Variants in EFHC1 observed in about 807,000 individuals in gnomAD.
The protein encoded by EFHC1 is EF-hand domain-containing protein 1.
In EFHC1, 53 loss-of-function variants were observed where a neutral mutation model predicts 69.9. The ratio of observed to expected loss-of-function variants is 0.76; its 90% CI spans 0.61 to 0.95. EFHC1 has a LOEUF of 0.95. EFHC1 is among the 40% of genes least tolerant of loss of function. The pLI is 0.00. For missense variants in EFHC1, 739 were observed against 798.7 expected (o/e 0.93, Z 0.90); for synonymous variants, 256 against 278.4 (o/e 0.92, Z 0.80).
At chr6:52,420,527 A>C in intron 1 of EFHC1, 54 bp downstream of exon 1, 1 of 1,609,604 alleles carries the variant, frequency 6.2e-7, no homozygotes, top group South Asian at 1.1e-5. Flanking sequence ...GCAGCCCAGG[A>C]GGTTTCCCCG....
intron 6 of EFHC1, among the ~76,000 whole-genome samples, chr6:52,467,327 C>T (rs1475998108): frequency 3.3e-5 from 5 of 151,718 alleles, no homozygotes; most frequent in Admixed American, 6.6e-5. Flanking sequence ...GACTACAGGT[C>T]GTGCCACCAC....
chr6:52,454,187 G>A lies in EFHC1; in HGVS notation c.816G>A (p.Thr272=), dbSNP rs765401978. The change falls in exon 5 of 11, where the codon ACG becomes ACA. Residue 272 remains threonine, a synonymous_variant. Transcript: ENST00000371068. ...TTCATTACTATCTTATGGATGATACGGTGGAAATTCGAGAGGTCCACGAAC... is the reference window on the plus strand; with the variant it reads ...TTCATTACTATCTTATGGATGATACAGTGGAAATTCGAGAGGTCCACGAAC... ...YIIHYYLMDD[T]VEIREVHERN... is the part of the protein sequence containing the mutation. 9.3e-6 allele frequency: 15 copies of A among 1,613,970 alleles called. No individual in the cohort carries two copies. The highest frequency in any genetic ancestry group is 1.6e-4 in the Middle Eastern group (1 of 6,082).
chr6:52,495,630 C>A lies in EFHC1; in HGVS notation c.*3289C>A, dbSNP rs1385597340. On this transcript the variant is annotated 3_prime_UTR_variant, in exon 11 of 11. Transcript: ENST00000371068. ...TTAGAGACAGGGTCTTACTCTGTTG[C>A]CAGACTGGAATGCGGTGGTGTGACC... The A allele has an allele frequency of 2.2e-6, 1 of 452,614 alleles. No homozygotes were observed. Among genetic ancestry groups the A allele is most frequent in the Non-Finnish European group, 4.4e-6 (1 of 225,670 alleles). The allele number at this position is 452,614 out of a possible 1,614,324, so 28.0% of individuals were successfully genotyped here. A position where few individuals can be genotyped will look rare whatever the true frequency, so the allele number is the denominator to read the frequency against.
In EFHC1 at chr6:52,494,728, A is replaced by G. The variant is rs146014466; in HGVS notation, c.*2387A>G. 3.2e-3 allele frequency: 1,441 copies of G among 453,900 alleles called. 18 individuals carry two copies. The highest frequency in any genetic ancestry group is 0.025 in the African/African-American group (1,276 of 50,060). The allele number at this position is 453,900 out of a possible 1,614,324, so 28.1% of individuals were successfully genotyped here. ...CCCACTCTGGTAGTCCCCAGTGTCT[A>G]TTGTTCCCATCATTATGTCTATGTG... is the stretch of plus-strand genomic sequence containing the variant. On this transcript the variant is annotated 3_prime_UTR_variant, in exon 11 of 11. Transcript: ENST00000371068.
intron 5 of EFHC1, among the ~76,000 whole-genome samples, chr6:52,460,386 A>T (rs1390935961): frequency 6.6e-6 from 1 of 152,222 alleles, no homozygotes; most frequent in Non-Finnish European, 1.5e-5. Flanking sequence ...GAGTTAGATT[A>T]TAAAAGGTCA....
Position 52,454,730 on chromosome 6 carries a change from G to A in EFHC1, c.916+443G>A, listed in dbSNP as rs942356929. ...GTGGTTTAACTTGAGATTGGAAAAG[G>A]CATGTCTGTGACTCATAGAGGTGAG... On this transcript the variant is annotated intron_variant, in intron 5 of 10. Coordinates refer to ENST00000371068, the MANE Select transcript of EFHC1 (RefSeq NM_018100.4). Among the ~76,000 whole-genome samples the A allele has an allele frequency of 3.3e-5, 5 of 152,102 alleles. 1 individual carries two copies. The highest frequency in any genetic ancestry group is 2.0e-4 in the Admixed American group (3 of 15,262).
intron 2 of EFHC1, among the ~76,000 whole-genome samples, chr6:52,433,046 T>C (rs1264229750): frequency 6.6e-6 from 1 of 152,108 alleles, no homozygotes; most frequent in Non-Finnish European, 1.5e-5. Context: ...TTTATTGTTT[T>C]TTATTTATGC....
rs1184847298 is a variant in EFHC1, at chr6:52,493,019, G to A, written c.*678G>A. 2 of 453,904 alleles carry A rather than the reference G, an allele frequency of 4.4e-6. No individual in the cohort carries two copies. Among genetic ancestry groups the A allele is most frequent in the Non-Finnish European group, 8.8e-6 (2 of 226,774 alleles). The allele number at this position is 453,904 out of a possible 1,614,324, so 28.1% of individuals were successfully genotyped here. ...AAAACAGATAGTCCTCCCTAATGTGGGTGGGCCTCCTCCAATCATTTGAAG... is the reference window on the plus strand; with the variant it reads ...AAAACAGATAGTCCTCCCTAATGTGAGTGGGCCTCCTCCAATCATTTGAAG... On this transcript the variant is annotated 3_prime_UTR_variant, in exon 11 of 11. Coordinates refer to ENST00000371068, the MANE Select transcript of EFHC1 (RefSeq NM_018100.4).
chr6:52,441,263 T>G (rs1489618965), intron 3 of EFHC1, among the ~76,000 whole-genome samples: 2 of 152,184 alleles, frequency 1.3e-5, no homozygotes, highest in African/African-American at 2.4e-5. Context: ...TGTTTATAGT[T>G]TTGGGTTTTA....
In EFHC1 at chr6:52,469,493, A is replaced by G. The variant is rs1380032026; in HGVS notation, c.1278+20A>G. On this transcript the variant is annotated intron_variant, in intron 7 of 10. Coordinates refer to ENST00000371068, the MANE Select transcript of EFHC1 (RefSeq NM_018100.4). ...GTACTGGTGAGGCTAATTTTTATAT[A>G]CTAAAGATTCTCTTCTATCTCAGTA... 4 of 1,612,944 alleles carry G rather than the reference A, an allele frequency of 2.5e-6. No homozygotes were observed. The highest frequency in any genetic ancestry group is 3.4e-6 in the Non-Finnish European group (4 of 1,179,570).
intron 3 of EFHC1, among the ~76,000 whole-genome samples, chr6:52,441,554 C>T (rs1764665169): frequency 6.6e-6 from 1 of 152,004 alleles, no homozygotes; most frequent in African/African-American, 2.4e-5. Context: ...CAGCTTTGTT[C>T]TTTTGCTTAG....
intron 2 of EFHC1, chr6:52,430,523 T>C (rs1317675848): frequency 6.6e-6 from 1 of 152,212 alleles, no homozygotes; most frequent in Non-Finnish European, 1.5e-5. Flanking sequence ...TTGACTTGCG[T>C]ATGTTAAATC....
intron 1 of EFHC1, among the ~76,000 whole-genome samples, chr6:52,422,092 T>C (rs923790714): frequency 6.6e-6 from 1 of 152,066 alleles, no homozygotes; most frequent in African/African-American, 2.4e-5. Context: ...TCTAAAGACA[T>C]GCAGATAAGA....
At position 52,490,132 on chromosome 6, in the gene EFHC1, C is replaced by A. The variant is rs1222704866; in HGVS notation, c.1641-8C>A. On this transcript the variant is annotated splice_region_variant and splice_polypyrimidine_tract_variant and intron_variant, in intron 9 of 10. Coordinates refer to ENST00000371068, the MANE Select transcript of EFHC1 (RefSeq NM_018100.4). ...CCATGTGCAGTCATTTCCTTCCTTTCTCTACAGCAAGCAAACTGAAAAGGA... is the reference window on the plus strand; with the variant it reads ...CCATGTGCAGTCATTTCCTTCCTTTATCTACAGCAAGCAAACTGAAAAGGA... 10 of 1,613,174 alleles carry A rather than the reference C, an allele frequency of 6.2e-6. No homozygotes were observed. In the Admixed American group the frequency reaches 1.3e-4, roughly 22 times the overall value.
At chr6:52,492,178 G>T (rs922077910) in intron 10 of EFHC1, 92 bp from the exon 11 acceptor site, 1 of 1,129,532 alleles carries the variant, frequency 8.9e-7, no homozygotes, top group Admixed American at 1.7e-5. Context: ...ATTTACAAAG[G>T]CTCGGGATCA....
At chr6:52,429,479 C>G (rs1248116978) in intron 2 of EFHC1, among the ~76,000 whole-genome samples, 4 of 152,034 alleles carry the variant, frequency 2.6e-5, no homozygotes, top group African/African-American at 9.7e-5. Context: ...TTTTTGTTTG[C>G]TTTGTCAAAG....
In EFHC1 at chr6:52,490,317, T is replaced by C. The variant is rs905364699; in HGVS notation, c.1818T>C (p.Leu606=). ...TGTTCTTTAAAATCTGTGAATCGCTTAACGTCCCAGTGGATGACTCCTTGG... is the reference window on the plus strand; with the variant it reads ...TGTTCTTTAAAATCTGTGAATCGCTCAACGTCCCAGTGGATGACTCCTTGG... ...RDMFFKICES[L]NVPVDDSLVK... Residue 606 remains leucine, a synonymous_variant, in exon 10 of 11, where the codon CTT becomes CTC. Coordinates refer to ENST00000371068, the MANE Select transcript of EFHC1 (RefSeq NM_018100.4). 3.1e-6 allele frequency: 5 copies of C among 1,614,138 alleles called. No homozygotes were observed. Among genetic ancestry groups the C allele is most frequent in the Middle Eastern group, 1.6e-4 (1 of 6,062 alleles).
In EFHC1 at chr6:52,492,286, C is replaced by T; in HGVS notation, c.1868C>T (p.Ser623Phe). The change falls in exon 11 of 11, where the codon TCT becomes TTT. Residue 623 changes from serine to phenylalanine, a missense_variant. By Grantham distance (155) the Ser-to-Phe change is radical. Transcript: ENST00000371068. ...TCTCTGCAGTTAATCAGGATGTGCT[C>T]TCATGGAGAAGGCAAAATTAACTAC... Reference protein sequence around the residue: ...SLVKELIRMCSHGEGKINYYN... With the variant: ...SLVKELIRMCFHGEGKINYYN... 1 of 1,614,000 alleles carries T rather than the reference C, an allele frequency of 6.2e-7. No homozygotes were observed. The highest frequency in any genetic ancestry group is 1.1e-5 in the South Asian group (1 of 91,074).
chr6:52,493,976 G>C lies in EFHC1; in HGVS notation c.*1635G>C. The C allele has an allele frequency of 2.2e-6, 1 of 454,032 alleles. No homozygotes were observed. The highest frequency in any genetic ancestry group is 4.4e-6 in the Non-Finnish European group (1 of 226,792). 28.1% of individuals were successfully genotyped at this position (454,032 alleles called of 1,614,324 possible). A position where few individuals can be genotyped will look rare whatever the true frequency, so the allele number is the denominator to read the frequency against. On this transcript the variant is annotated 3_prime_UTR_variant, in exon 11 of 11. Coordinates refer to ENST00000371068, the MANE Select transcript of EFHC1 (RefSeq NM_018100.4). The stretch of plus-strand genomic sequence containing the variant: ...CCACTTGTAACCAGCTTATTGAAAG[G>C]GCTGTGAATGTATTATGTTGATTCC...
Sources: gnomAD v4.1 joint callset for allele counts (sites outside exome capture counted in the v4.1 genomes callset) on GRCh38, gnomAD v4.1.1 for gene constraint, MANE v1.5 for transcripts, NCBI Gene and HGNC (gene_info 2026-07-23, HGNC 2026-07-21) for gene names.